GABRE: variants seen among roughly 807,000 people sequenced by gnomAD.
GABRE encodes the protein gamma-aminobutyric acid type A receptor subunit epsilon.
Under a neutral mutation model 31.0 loss-of-function variants are expected in GABRE, and 20 were observed. The observed-to-expected ratio is 0.64, with a 90% CI of 0.45 to 0.94. GABRE has a LOEUF of 0.94. GABRE is among the 40% of genes least tolerant of loss of function. The probability of loss-of-function intolerance (pLI) is 0.00; values close to 1 mark genes in which losing one functional copy is unlikely to be tolerated. For missense variants in GABRE, 420 were observed against 410.7 expected, an observed-to-expected ratio of 1.02 and a Z score of -0.20; for synonymous variants, 155 against 150.6, an observed-to-expected ratio of 1.03 and a Z score of -0.21.
chrX:151,954,771 G>A lies in GABRE; in HGVS notation c.1451C>T (p.Ser484Leu), dbSNP rs772887395. The A allele has an allele frequency of 4.1e-6, 5 of 1,211,557 alleles. No homozygotes were observed. Among genetic ancestry groups the A allele is most frequent in the South Asian group, 1.8e-5 (1 of 56,922 alleles). Residue 484 changes from serine (S) to leucine (L), a missense_variant, in exon 9 of 9, where the codon TCG becomes TTG. Transcript: ENST00000370328. ...GAAAGTCACTGGGAAAACAACTCTC[G>A]AGTAGTTATCCAGGCGGTAGACATG... Reference protein sequence around the residue: ...CIHVYRLDNYSRVVFPVTFFF... With the variant: ...CIHVYRLDNYLRVVFPVTFFF...
chrX:151,968,340 G>A (rs1042851386), intron 3 of GABRE, among the ~76,000 whole-genome samples: 3 of 112,557 alleles, frequency 2.7e-5, no homozygotes, highest in Admixed American at 9.4e-5. Context: ...CGAACTGTGA[G>A]ATAATGATTA....
At chrX:151,959,653 G>A (rs757928550) in intron 6 of GABRE, 186 bp downstream of exon 6, 6 of 558,807 alleles carry the variant, frequency 1.1e-5, no homozygotes, top group Non-Finnish European at 1.9e-5. Flanking sequence ...CTTTGCAGAT[G>A]AGACTGAGAC....
At position 151,970,310 on chromosome X, in the gene GABRE, A is replaced by C; in HGVS notation, c.149T>G (p.Leu50Arg). The C allele has an allele frequency of 5.0e-6, 6 of 1,211,885 alleles. No homozygotes were observed. The highest frequency in any genetic ancestry group is 6.7e-6 in the Non-Finnish European group (6 of 895,621). ...CTCAGTTGACTTTGTTTCCTCAGAG[A>C]GGAGCTGATTTTCCAGAGGCTGGGG... is the stretch of plus-strand genomic sequence containing the variant. ...PQPQPLENQLLSEETKSTETE... is the reference protein window; with the variant it reads ...PQPQPLENQLRSEETKSTETE... Residue 50 changes from leucine to arginine, a missense_variant, in exon 2 of 9, where the codon CTC (leucine) becomes CGC (arginine). Coordinates refer to ENST00000370328, the MANE Select transcript of GABRE (RefSeq NM_004961.4).
rs753889158 is a variant in GABRE at position 151,955,726 on chromosome X, G to C, written c.919C>G (p.Pro307Ala). The stretch of plus-strand genomic sequence containing the variant: ...CTCTTACCTAGAGAGGTCCGGGCTG[G>C]AGCAGACTCTGTCTTGATCCAAAAG... ...VSFWIKTESA[P>A]ARTSLGITSV... Residue 307 changes from proline to alanine, a missense_variant, in exon 7 of 9, where the codon CCA becomes GCA. Pro to Ala is a conservative substitution (Grantham distance 27, BLOSUM62 -1). Coordinates refer to ENST00000370328, the MANE Select transcript of GABRE (RefSeq NM_004961.4). 1.7e-6 allele frequency: 2 copies of C among 1,212,106 alleles called. No homozygotes were observed. Among genetic ancestry groups the C allele is most frequent in the Non-Finnish European group, 2.2e-6 (2 of 895,615 alleles).
rs1250713752 is a variant in GABRE at position 151,955,850 on chromosome X, C to G, written c.795G>C (p.Met265Ile). The part of the protein sequence containing the change: ...EIITTPVGDF[M>I]VMTIFFNVSR... ...TCACATTGAAGAAAATCGTCATGACCATGAAGTCACCTGAAAGACACAAAA... is the reference window on the plus strand; with the variant it reads ...TCACATTGAAGAAAATCGTCATGACGATGAAGTCACCTGAAAGACACAAAA... The change falls in exon 7 of 9, where the codon ATG becomes ATC. Residue 265 changes from methionine to isoleucine, a missense_variant. Physicochemically the swap from Met to Ile is conservative, Grantham distance 10 (BLOSUM62 1). Coordinates refer to ENST00000370328, the MANE Select transcript of GABRE (RefSeq NM_004961.4). 12 of 1,210,100 alleles carry G rather than the reference C, an allele frequency of 9.9e-6. No individual in the cohort carries two copies. Among genetic ancestry groups the G allele is most frequent in the Non-Finnish European group, 1.3e-5 (12 of 895,145 alleles).
chrX:151,961,297 A>T lies in GABRE; in HGVS notation c.632T>A (p.Leu211Gln). The T allele has an allele frequency of 8.3e-7, 1 of 1,204,337 alleles. No homozygotes were observed. The highest frequency in any genetic ancestry group is 1.1e-6 in the Non-Finnish European group (1 of 889,545). ...RFPMDSHSCP[L>Q]SFSSFSYPEN... is the part of the protein sequence containing the mutation. Reference sequence around the variant, plus strand: ...AAGGTACTCACAGCTAGAGAAAGATAGAGGGCAAGAGTGAGAATCCATTGG... The same window carrying T: ...AAGGTACTCACAGCTAGAGAAAGATTGAGGGCAAGAGTGAGAATCCATTGG... Residue 211 changes from leucine to glutamine, a missense_variant, in exon 5 of 9, where the codon CTA becomes CAA. Physicochemically the swap from Leu to Gln is moderately radical, Grantham distance 113. Coordinates refer to ENST00000370328, the MANE Select transcript of GABRE (RefSeq NM_004961.4).
intron 3 of GABRE, among the ~76,000 whole-genome samples, chrX:151,965,137 C>T (rs755289320): frequency 3.1e-4 from 35 of 111,712 alleles, no homozygotes; most frequent in Non-Finnish European, 5.8e-4. Flanking sequence ...GGTGATGGAG[C>T]GAGACTCCAT....
Position 151,968,643 on chromosome X carries a change from T to C in GABRE, c.342+1026A>G, listed in dbSNP as rs1172616034. On this transcript the variant is annotated intron_variant, in intron 3 of 8. Coordinates refer to ENST00000370328, the MANE Select transcript of GABRE (RefSeq NM_004961.4). ...TTTGCCCCGGGCCAAGCCATGTCTG[T>C]GGCTGTGACGGAGTTGCTTACCAAA... 6.2e-5 allele frequency among the ~76,000 whole-genome samples: 7 copies of C among 112,062 alleles called. No homozygotes were observed. In the South Asian group the frequency reaches 2.7e-3, roughly 43 times the overall value.
intron 1 of GABRE, among the ~76,000 whole-genome samples, chrX:151,973,002 G>T (rs919423015): frequency 5.6e-5 from 6 of 106,451 alleles, no homozygotes; most frequent in African/African-American, 2.0e-4. Flanking sequence ...GTGAGAAGTG[G>T]GGGGGGGAGG....
At chrX:151,962,908 C>G (rs1270863869) in intron 3 of GABRE, among the ~76,000 whole-genome samples, 1 of 111,580 alleles carries the variant, frequency 9.0e-6, no homozygotes, top group Non-Finnish European at 1.9e-5. Flanking sequence ...TGCTTGATTA[C>G]CGTGAGCAAG....
intron 1 of GABRE, among the ~76,000 whole-genome samples, chrX:151,974,066 G>A (rs962500701): frequency 9.0e-6 from 1 of 111,007 alleles, no homozygotes; most frequent in Non-Finnish European, 1.9e-5. Flanking sequence ...GAACTCAGTA[G>A]GCACTCTTAA....
chrX:151,961,665 G>A (rs1934378251), intron 4 of GABRE, among the ~76,000 whole-genome samples: 1 of 110,992 alleles, frequency 9.0e-6, no homozygotes, highest in Non-Finnish European at 1.9e-5. Context: ...TTCCCATGAT[G>A]GCCAGGCTGG....
At chrX:151,965,056 C>CAGG (rs1211149607) in intron 3 of GABRE, among the ~76,000 whole-genome samples, 2 of 111,250 alleles carry the variant, frequency 1.8e-5, no homozygotes, top group African/African-American at 6.6e-5. Context: ...GAGGCTGAGG[C>CAGG]AGGAGAATGG....
Position 151,974,540 on chromosome X carries a change from G to C in GABRE, c.56+30C>G, listed in dbSNP as rs1462806969. ...CCGGGGAGAGGGAGCTGGGCGCGAA[G>C]GGCTCCCGGGTCCCGGGATGGAGAC... is the stretch of plus-strand genomic sequence containing the variant. On this transcript the variant is annotated intron_variant, in intron 1 of 8. Coordinates refer to ENST00000370328, the MANE Select transcript of GABRE (RefSeq NM_004961.4). 3 of 1,083,206 alleles carry C rather than the reference G, an allele frequency of 2.8e-6. No individual in the cohort carries two copies. In the African/African-American group the frequency reaches 5.7e-5, roughly 21 times the overall value. 89.3% of individuals were successfully genotyped at this position (1,083,206 alleles called of 1,213,427 possible). A position where few individuals can be genotyped will look rare whatever the true frequency, so the allele number is the denominator to read the frequency against.
chrX:151,964,112 A>G (rs191357836), intron 3 of GABRE, among the ~76,000 whole-genome samples: 8 of 112,556 alleles, frequency 7.1e-5, no homozygotes, highest in Admixed American at 1.9e-4. Flanking sequence ...AGTGACAATT[A>G]GTCTCACTTT....
chrX:151,971,022 AG>A, intron 1 of GABRE: 1 of 731,695 alleles, frequency 1.4e-6, no homozygotes, highest in East Asian at 1.2e-4. Context: ...GCTGCCCAAC[AG>A]GAGTCCACCC....
At chrX:151,972,537 T>C in intron 1 of GABRE, 1 of 753,686 alleles carries the variant, frequency 1.3e-6, no homozygotes. Flanking sequence ...CTCCCAGATG[T>C]CTGAAATCCA....
In GABRE at chrX:151,974,364, C is replaced by A. The variant is rs745383692; in HGVS notation, c.56+206G>T. On this transcript the variant is annotated intron_variant, in intron 1 of 8. Transcript: ENST00000370328. ...TCCTTTTGGAGCTCCCCCTCAAGGA[C>A]CCCGGGAGCCCATCCTACAGTGAGG... is the stretch of plus-strand genomic sequence containing the variant. 1.8e-4 allele frequency among the ~76,000 whole-genome samples: 20 copies of A among 111,826 alleles called. 1 individual carries two copies. In the East Asian group the frequency reaches 3.8e-3, roughly 21 times the overall value.
intron 1 of GABRE, among the ~76,000 whole-genome samples, chrX:151,972,950 A>G (rs764400993): frequency 9.3e-4 from 103 of 110,733 alleles, no homozygotes; most frequent in African/African-American, 3.1e-3. Context: ...ATGAAGTTGA[A>G]TCTCTGCACT....
Sources: allele counts gnomAD v4.1 joint callset (sites outside exome capture counted in the v4.1 genomes callset), GRCh38; gene constraint gnomAD v4.1.1; transcripts MANE v1.5; gene names NCBI Gene and HGNC (gene_info 2026-07-23, HGNC 2026-07-21).